Variants in RGMA observed in about 807,000 individuals in gnomAD.
The protein encoded by RGMA is repulsive guidance molecule A.
In RGMA, 10 loss-of-function variants were observed where a neutral mutation model predicts 23.2. The observed-to-expected ratio is 0.43, with a 90% CI of 0.27 to 0.73. The LOEUF is 0.73. Among genes scored for constraint, RGMA ranks in the 30% least tolerant of loss-of-function variants. RGMA has a pLI of 0.20. For missense variants in RGMA, 547 were observed against 630.5 expected, an observed-to-expected ratio of 0.87 and a Z score of 1.42; for synonymous variants, 308 against 279.3, an observed-to-expected ratio of 1.10 and a Z score of -1.03.
In RGMA at chr15:93,088,952, G is replaced by A. The variant is rs552427029; in HGVS notation, c.-20C>T. ...CTGCATGAGCCCCTGCGGCCCGCGGGGGGTGGCGCTGGCGGGGCTGCGGGA... is the reference window on the plus strand; with the variant it reads ...CTGCATGAGCCCCTGCGGCCCGCGGAGGGTGGCGCTGGCGGGGCTGCGGGA... On this transcript the variant is annotated 5_prime_UTR_variant, in exon 1 of 4. Coordinates refer to ENST00000329082, the MANE Select transcript of RGMA (RefSeq NM_020211.3). 6.4e-5 allele frequency: 89 copies of A among 1,395,016 alleles called. 2 individuals carry two copies. In the South Asian group the frequency reaches 1.1e-3, roughly 17 times the overall value. The allele number at this position is 1,395,016 out of a possible 1,614,324, so 86.4% of individuals were successfully genotyped here.
At chr15:93,073,601 G>GCCCCCTGGCTCATCAGTCGCACT in intron 1 of RGMA, 1 of 1,535,784 alleles carries the variant, frequency 6.5e-7, no homozygotes. Flanking sequence ...TTCCACCGAC[G>GCCCCCTGGCTCATCAGTCGCACT]CCCCCTGGCT....
chr15:93,052,639 G>T, intron 2 of RGMA, 132 bp from the exon 3 acceptor site: 2 of 1,045,928 alleles, frequency 1.9e-6, no homozygotes, highest in Non-Finnish European at 2.7e-6. Context: ...ACACACAGAT[G>T]GTGAAAAATT....
At chr15:93,073,231 CG>C in intron 1 of RGMA, 200 bp from the exon 2 acceptor site, 1 of 1,128,240 alleles carries the variant, frequency 8.9e-7, no homozygotes, top group Non-Finnish European at 1.1e-6. Context: ...AATGTCGACG[CG>C]GCCCCGCGCC....
At chr15:93,054,494 AT>A (rs143534018) in intron 2 of RGMA, among the ~76,000 whole-genome samples, 50,035 of 151,932 alleles carry the variant, frequency 0.33, 9,086 homozygotes, top group South Asian at 0.53. Flanking sequence ...AATAAGTCTC[AT>A]GAGATCTGAT....
At chr15:93,084,212 C>A (rs1165387236) in intron 1 of RGMA, among the ~76,000 whole-genome samples, 1 of 152,220 alleles carries the variant, frequency 6.6e-6, no homozygotes, top group Admixed American at 6.5e-5. Context: ...ATTCTTCAGG[C>A]TGCCACTGTC....
chr15:93,056,443 T>C (rs2055016006), intron 2 of RGMA, among the ~76,000 whole-genome samples: 1 of 152,076 alleles, frequency 6.6e-6, no homozygotes, highest in Admixed American at 6.5e-5. Flanking sequence ...ATGGGCACCT[T>C]CTCCTGCTCC....
intron 2 of RGMA, among the ~76,000 whole-genome samples, chr15:93,055,980 G>A (rs527512613): frequency 6.6e-6 from 1 of 152,334 alleles, no homozygotes; most frequent in African/African-American, 2.4e-5. Flanking sequence ...AGGTACCCCG[G>A]AGAGGGGTCC....
intron 2 of RGMA, among the ~76,000 whole-genome samples, chr15:93,061,534 T>A (rs1404701169): frequency 6.6e-6 from 1 of 152,178 alleles, no homozygotes; most frequent in Non-Finnish European, 1.5e-5. Context: ...CTCACATAAA[T>A]GTATGTAGGT....
chr15:93,073,454 C>T (rs1895408057), intron 1 of RGMA: 2 of 995,902 alleles, frequency 2.0e-6, no homozygotes, highest in Non-Finnish European at 2.9e-6. Flanking sequence ...AGGCCCAGCA[C>T]CCTTGGGAGG....
In RGMA at chr15:93,054,989, A is replaced by G. The variant is rs1056678977; in HGVS notation, c.131-2482T>C. Among the ~76,000 whole-genome samples the G allele has an allele frequency of 1.1e-4, 16 of 152,024 alleles. No individual in the cohort carries two copies. In the East Asian group the frequency reaches 1.2e-3, roughly 11 times the overall value. ...GTGGTGGGGGCGTGTATGGGGAGGG[A>G]GTGCTACGCAGAACAAGCGTTTGGA... On this transcript the variant is annotated intron_variant, in intron 2 of 3. Coordinates refer to ENST00000329082, the MANE Select transcript of RGMA (RefSeq NM_020211.3).
chr15:93,050,832 C>A (rs1287367445), intron 3 of RGMA, among the ~76,000 whole-genome samples: 1 of 152,194 alleles, frequency 6.6e-6, no homozygotes, highest in Non-Finnish European at 1.5e-5. Flanking sequence ...GCCAGGTCCC[C>A]TCTGAAGCGT....
intron 1 of RGMA, among the ~76,000 whole-genome samples, chr15:93,086,299 G>T (rs948538742): frequency 6.6e-6 from 1 of 152,182 alleles, no homozygotes; most frequent in African/African-American, 2.4e-5. Context: ...AGAACTAACA[G>T]ATTCCAATTT....
intron 1 of RGMA, among the ~76,000 whole-genome samples, chr15:93,075,815 A>G (rs1483655839): frequency 5.9e-5 from 9 of 152,094 alleles, no homozygotes; most frequent in African/African-American, 2.2e-4. Flanking sequence ...GGGGCACAAA[A>G]GGCTTTTTTT....
intron 2 of RGMA, among the ~76,000 whole-genome samples, chr15:93,060,601 C>T (rs1040797769): frequency 6.6e-6 from 1 of 152,242 alleles, no homozygotes; most frequent in African/African-American, 2.4e-5. Context: ...GACCCATTTG[C>T]TCCTGACTCG....
rs1049296839 is a variant in RGMA at position 93,042,905 on chromosome 15, C to G, written c.*2093G>C. ...AACAGCTGGGGCTCCAGGCTGATAG[C>G]AGTGGCTGAGAGGGAGTCATCCCAG... On this transcript the variant is annotated 3_prime_UTR_variant, in exon 4 of 4. Coordinates refer to ENST00000329082, the MANE Select transcript of RGMA (RefSeq NM_020211.3). The G allele has an allele frequency of 3.3e-5, 5 of 152,290 alleles. No homozygotes were observed. The highest frequency in any genetic ancestry group is 1.2e-4 in the African/African-American group (5 of 41,452). 9.4% of individuals were successfully genotyped at this position (152,290 alleles called of 1,614,324 possible). A position where few individuals can be genotyped will look rare whatever the true frequency, so the allele number is the denominator to read the frequency against.
intron 2 of RGMA, chr15:93,065,661 C>T (rs565699009): frequency 1.8e-5 from 19 of 1,052,814 alleles, no homozygotes; most frequent in Middle Eastern, 2.2e-4. Flanking sequence ...TGCCGGGGGC[C>T]GGGGCCTGCT....
chr15:93,053,479 A>G (rs1032239180), intron 2 of RGMA, among the ~76,000 whole-genome samples: 2 of 152,198 alleles, frequency 1.3e-5, no homozygotes, highest in Non-Finnish European at 2.9e-5. Flanking sequence ...GGTGGTCTCC[A>G]GCGGGGAAAG....
intron 1 of RGMA, chr15:93,073,265 C>T: frequency 1.0e-6 from 1 of 971,704 alleles, no homozygotes; most frequent in East Asian, 4.5e-5. Flanking sequence ...GCACCGCCCC[C>T]TCGCGCTCGG....
At position 93,059,994 on chromosome 15, in the gene RGMA, G is replaced by A. The variant is rs932009697; in HGVS notation, c.131-7487C>T. On this transcript the variant is annotated intron_variant, in intron 2 of 3. Transcript: ENST00000329082. ...AAAGCTGCTTTTCAGAGCAAGCTGC[G>A]TTGAACACAGAGCCAGCTGCCCCAC... Among the ~76,000 whole-genome samples the A allele has an allele frequency of 2.6e-5, 4 of 152,186 alleles. No individual in the cohort carries two copies. The South Asian group carries it at 6.2e-4, about 24-fold the overall frequency.
Sources: allele counts gnomAD v4.1 joint callset (sites outside exome capture counted in the v4.1 genomes callset), GRCh38; gene constraint gnomAD v4.1.1; transcripts MANE v1.5; gene names NCBI Gene and HGNC (gene_info 2026-07-23, HGNC 2026-07-21).